IL1RAPL1: variants seen among roughly 807,000 people sequenced by gnomAD.
IL1RAPL1 encodes the protein interleukin 1 receptor accessory protein like 1, also known as interleukin-1 receptor accessory protein-like 1.
A neutral mutation model predicts 48.4 loss-of-function variants in IL1RAPL1; 3 were observed. The observed-to-expected ratio is 0.06, with a 90% CI of 0.03 to 0.16. IL1RAPL1 has a LOEUF of 0.16. Ranked by LOEUF, IL1RAPL1 falls within the 10% of genes least tolerant of loss-of-function variation. The pLI is 1.00. For synonymous variants in IL1RAPL1, 185 were observed against 187.7 expected (o/e 0.99, Z 0.12); for missense variants, 349 against 530.6 (o/e 0.66, Z 3.36).
At chrX:29,668,401 T>C in intron 5 of IL1RAPL1, 29 bp from the exon 6 acceptor site, 6 of 1,119,116 alleles carry the variant, frequency 5.4e-6, no homozygotes, top group Non-Finnish European at 7.4e-6. Flanking sequence ...ACTATAAGTC[T>C]CTGTATTATT....
Position 29,717,203 on chromosome X carries a change from TACAC to T in IL1RAPL1, c.778+48730_778+48733del, listed in dbSNP as rs61417683. ...CATATTTAGTGCCAGAGAGCCAGAT[TACAC>T]ACACACACACACACACACACACACA... On this transcript the variant is annotated intron_variant, in intron 6 of 10. Coordinates refer to ENST00000378993, the MANE Select transcript of IL1RAPL1 (RefSeq NM_014271.4). Among the ~76,000 whole-genome samples the T allele has an allele frequency of 3.8e-3, 366 of 95,521 alleles. 1 individual carries two copies. Among genetic ancestry groups the T allele is most frequent in the Non-Finnish European group, 5.6e-3 (268 of 47,896 alleles). The allele number at this position is 95,521 out of a possible 115,157, so 82.9% of individuals were successfully genotyped here. A position where few individuals can be genotyped will look rare whatever the true frequency, so the allele number is the denominator to read the frequency against.
At chrX:29,640,758 A>T (rs779292717) in intron 5 of IL1RAPL1, among the ~76,000 whole-genome samples, 60 of 112,371 alleles carry the variant, frequency 5.3e-4, no homozygotes, top group Admixed American at 1.8e-3. Context: ...CATCTGGACG[A>T]TTGTAATTGC....
intron 1 of IL1RAPL1, among the ~76,000 whole-genome samples, chrX:28,767,257 T>C (rs1403914939): frequency 9.0e-6 from 1 of 111,471 alleles, no homozygotes; most frequent in Non-Finnish European, 1.9e-5. Context: ...TGATACCTCA[T>C]TGTAGTTTTG....
At chrX:29,183,904 G>A (rs1487742020) in intron 2 of IL1RAPL1, among the ~76,000 whole-genome samples, 1 of 111,757 alleles carries the variant, frequency 8.9e-6, no homozygotes, top group Non-Finnish European at 1.9e-5. Flanking sequence ...ATGTTGGTCA[G>A]GCCGGTCTCG....
Position 28,598,959 on chromosome X carries a change from G to A in IL1RAPL1, c.-25+10912G>A, listed in dbSNP as rs1433606158. Among the ~76,000 whole-genome samples the A allele has an allele frequency of 2.8e-5, 3 of 108,525 alleles. 1 individual carries two copies. Among genetic ancestry groups the A allele is most frequent in the Admixed American group, 9.6e-5 (1 of 10,387 alleles). 94.2% of individuals were successfully genotyped at this position (108,525 alleles called of 115,157 possible). On this transcript the variant is annotated intron_variant, in intron 1 of 10. Transcript: ENST00000378993. Reference sequence around the variant, plus strand: ...TTTGTACTTTCAAAAACATTTGAGGGCCAGGCATGGTGGCTCATGCCTGTA... The same window carrying A: ...TTTGTACTTTCAAAAACATTTGAGGACCAGGCATGGTGGCTCATGCCTGTA...
chrX:29,374,091 G>A (rs1293439336), intron 3 of IL1RAPL1, among the ~76,000 whole-genome samples: 1 of 104,367 alleles, frequency 9.6e-6, no homozygotes, highest in Non-Finnish European at 1.9e-5. Flanking sequence ...TAGGCCTGAA[G>A]TTTTCTTTTT....
intron 2 of IL1RAPL1, among the ~76,000 whole-genome samples, chrX:29,012,237 G>A (rs1926139812): frequency 8.9e-6 from 1 of 112,548 alleles, no homozygotes; most frequent in African/African-American, 3.2e-5. Context: ...AGATGGATAA[G>A]TCATCAGTTT....
chrX:29,220,075 C>G (rs763657851), intron 2 of IL1RAPL1, among the ~76,000 whole-genome samples: 2 of 111,455 alleles, frequency 1.8e-5, no homozygotes, highest in East Asian at 2.8e-4. Flanking sequence ...TGATAAGGTA[C>G]AGTTAGGGCT....
At chrX:29,132,143 T>C (rs1004088241) in intron 2 of IL1RAPL1, among the ~76,000 whole-genome samples, 1 of 111,831 alleles carries the variant, frequency 8.9e-6, no homozygotes, top group Non-Finnish European at 1.9e-5. Context: ...TTTCAAAATA[T>C]TTGAAATGCA....
chrX:29,838,668 T>C (rs1931068512), intron 6 of IL1RAPL1, among the ~76,000 whole-genome samples: 1 of 112,122 alleles, frequency 8.9e-6, no homozygotes, highest in South Asian at 3.7e-4. Flanking sequence ...TGGACTCAGA[T>C]AGGCATAGGT....
chrX:28,775,283 C>T (rs751367269), intron 1 of IL1RAPL1, among the ~76,000 whole-genome samples: 7 of 112,149 alleles, frequency 6.2e-5, no homozygotes, highest in Non-Finnish European at 1.1e-4. Context: ...GCCATGCTCT[C>T]GCAGAAGTCT....
intron 2 of IL1RAPL1, among the ~76,000 whole-genome samples, chrX:29,240,689 A>G (rs1468577295): frequency 8.9e-6 from 1 of 111,832 alleles, no homozygotes; most frequent in African/African-American, 3.3e-5. Flanking sequence ...AATCCATTTG[A>G]GGCCTACAAA....
At chrX:29,083,516 G>T (rs1231604332) in intron 2 of IL1RAPL1, among the ~76,000 whole-genome samples, 1 of 111,698 alleles carries the variant, frequency 9.0e-6, no homozygotes, top group African/African-American at 3.3e-5. Context: ...AGGGTCAGAA[G>T]TTTGCTTCTT....
At chrX:28,743,743 T>TTTAC (rs386416807) in intron 1 of IL1RAPL1, among the ~76,000 whole-genome samples, 1 of 110,743 alleles carries the variant, frequency 9.0e-6, no homozygotes, top group Non-Finnish European at 1.9e-5. Context: ...TGCTTATTTA[T>TTTAC]TTATTTATTT....
At chrX:29,912,623 G>A (rs1419209666) in intron 6 of IL1RAPL1, among the ~76,000 whole-genome samples, 2 of 111,912 alleles carry the variant, frequency 1.8e-5, no homozygotes, top group African/African-American at 6.5e-5. Flanking sequence ...CTGCATTTTG[G>A]AAGAAGTTTC....
At chrX:28,774,382 C>G (rs1243280214) in intron 1 of IL1RAPL1, among the ~76,000 whole-genome samples, 11 of 111,459 alleles carry the variant, frequency 9.9e-5, no homozygotes, top group African/African-American at 3.6e-4. Context: ...TTATCCGGGT[C>G]CTCTGGCTCA....
At chrX:28,849,405 T>A (rs1160942547) in intron 2 of IL1RAPL1, among the ~76,000 whole-genome samples, 1 of 112,144 alleles carries the variant, frequency 8.9e-6, no homozygotes. Context: ...TAACATGACA[T>A]CTTTACTAAG....
chrX:29,690,500 C>CGT (rs1165049195), intron 6 of IL1RAPL1, among the ~76,000 whole-genome samples: 29 of 111,477 alleles, frequency 2.6e-4, no homozygotes, highest in African/African-American at 9.1e-4. Flanking sequence ...TCTGAGTAAT[C>CGT]AGCTGATAGA....
intron 6 of IL1RAPL1, among the ~76,000 whole-genome samples, chrX:29,853,401 T>A (rs1894739898): frequency 9.1e-6 from 1 of 110,239 alleles, no homozygotes; most frequent in Non-Finnish European, 1.9e-5. Flanking sequence ...GAGGCTTTAG[T>A]AAGCCGTGAT....
Sources: allele counts gnomAD v4.1 joint callset (sites outside exome capture counted in the v4.1 genomes callset), GRCh38; gene constraint gnomAD v4.1.1; transcripts MANE v1.5; gene names NCBI Gene and HGNC (gene_info 2026-07-23, HGNC 2026-07-21).